TPPP: variants seen among roughly 807,000 people sequenced by gnomAD.
TPPP encodes the protein tubulin polymerization promoting protein.
A neutral mutation model predicts 15.5 loss-of-function variants in TPPP; 6 were observed. The ratio of observed to expected loss-of-function variants is 0.39; its 90% confidence interval spans 0.21 to 0.77. TPPP has a LOEUF of 0.77. Among genes scored for constraint, TPPP ranks in the 30% least tolerant of loss-of-function variants. The pLI is 0.42. For missense variants in TPPP, 269 were observed against 307.2 expected (o/e 0.88, Z 0.93); for synonymous variants, 146 against 133.9 (o/e 1.09, Z -0.63).
intron 1 of TPPP, among the ~76,000 whole-genome samples, chr5:681,310 C>T (rs59183188): frequency 0.22 from 34,150 of 152,108 alleles, 8,313 homozygotes; most frequent in African/African-American, 0.61. Context: ...AGACAAACTG[C>T]TCACCTGGGG....
rs370031409 is a variant in TPPP at position 677,901 on chromosome 5, C to T, written c.160G>A (p.Ala54Thr). Residue 54 changes from alanine to threonine, a missense_variant, in exon 2 of 4, where the codon GCC (alanine) becomes ACC (threonine). Transcript: ENST00000360578. ...CCGTGCACGGCAAAGCGCCGGAAGG[C>T]CTCCTCCAGGGCACTGAGCTCAGGG... ...ASPELSALEE[A>T]FRRFAVHGDA... is the part of the protein sequence containing the mutation. 2.4e-5 allele frequency: 39 copies of T among 1,612,730 alleles called. No homozygotes were observed. Among genetic ancestry groups the T allele is most frequent in the African/African-American group, 6.7e-5 (5 of 74,940 alleles).
chr5:670,952 C>T (rs1371244667), intron 2 of TPPP, among the ~76,000 whole-genome samples: 3 of 152,330 alleles, frequency 2.0e-5, no homozygotes, highest in African/African-American at 4.8e-5. Context: ...CTGCACCCTA[C>T]TTGGCTCAGA....
rs372006252 is a variant in TPPP at position 677,066 on chromosome 5, C to T, written c.311+684G>A. Among the ~76,000 whole-genome samples the T allele has an allele frequency of 2.2e-3, 336 of 151,606 alleles. 1 individual carries two copies. The highest frequency in any genetic ancestry group is 7.6e-3 in the African/African-American group (314 of 41,428). On this transcript the variant is annotated intron_variant, in intron 2 of 3. Transcript: ENST00000360578. Reference sequence around the variant, plus strand: ...AAACGCACACACGTGCACACAGAAACGCGCACACGTGCACACGACGCAGAA... The same window carrying T: ...AAACGCACACACGTGCACACAGAAATGCGCACACGTGCACACGACGCAGAA...
rs369396503 is a variant in TPPP, at chr5:677,742, G to C, written c.311+8C>G. ...AGGTCCCTCGGCCCGTGAGCCCAGCGCACTCACTTGATCTTGCTGAAGACG... is the reference window on the plus strand; with the variant it reads ...AGGTCCCTCGGCCCGTGAGCCCAGCCCACTCACTTGATCTTGCTGAAGACG... On this transcript the variant is annotated splice_region_variant and intron_variant, in intron 2 of 3. Coordinates refer to ENST00000360578, the MANE Select transcript of TPPP (RefSeq NM_007030.3). 1.9e-6 allele frequency: 3 copies of C among 1,546,274 alleles called. No homozygotes were observed. Among genetic ancestry groups the C allele is most frequent in the South Asian group, 2.5e-5 (2 of 81,480 alleles).
rs1308504822 is a variant in TPPP, at chr5:692,585, C to T, written c.-5+693G>A. On this transcript the variant is annotated intron_variant, in intron 1 of 3. Transcript: ENST00000360578. ...CCTCCCTCGGCTCCGTTTACGTAAC[C>T]GAAACCGCAGAATAAAGGGCTCCTC... 5.1e-6 allele frequency: 5 copies of T among 982,918 alleles called. No individual in the cohort carries two copies. The South Asian group carries it at 2.4e-4, about 47-fold the overall frequency. The allele number at this position is 982,918 out of a possible 1,614,324, so 60.9% of individuals were successfully genotyped here.
At chr5:670,870 T>TC (rs1210130182) in intron 2 of TPPP, among the ~76,000 whole-genome samples, 9 of 152,304 alleles carry the variant, frequency 5.9e-5, no homozygotes, top group African/African-American at 2.2e-4. Flanking sequence ...GCTGAGCACC[T>TC]GGGGGCAGGT....
intron 2 of TPPP, among the ~76,000 whole-genome samples, chr5:674,874 C>T (rs987548873): frequency 4.7e-4 from 71 of 150,720 alleles, no homozygotes; most frequent in African/African-American, 1.7e-3. Flanking sequence ...TGGGAGCTGC[C>T]CCTTGCCAAA....
intron 2 of TPPP, among the ~76,000 whole-genome samples, chr5:667,870 CG>C (rs1561081547): frequency 3.3e-4 from 23 of 68,716 alleles, no homozygotes; most frequent in Non-Finnish European, 4.4e-4. Flanking sequence ...AGGGAAGTAC[CG>C]ACAAGCACAC....
At position 677,863 on chromosome 5, in the gene TPPP, G is replaced by A. The variant is rs748868994; in HGVS notation, c.198C>T (p.Ala66=). The change falls in exon 2 of 4, where the codon GCC becomes GCT. Residue 66 remains alanine (A), a synonymous_variant. Transcript: ENST00000360578. ...TCTTGCCGTGCATCTCCCTCCCGGT[G>A]GCCCTGGCGTCCCCGTGCACGGCAA... ...RRFAVHGDAR[A]TGREMHGKNW... 6.2e-7 allele frequency: 1 copy of A among 1,612,744 alleles called. No homozygotes were observed. The highest frequency in any genetic ancestry group is 8.5e-7 in the Non-Finnish European group (1 of 1,179,862).
chr5:675,410 G>GCAGTGGGGCCAGGGGTA (rs1218765665), intron 2 of TPPP, among the ~76,000 whole-genome samples: 12 of 115,966 alleles, frequency 1.0e-4, no homozygotes, highest in African/African-American at 3.3e-4. Context: ...GGCCAGGGGT[G>GCAGTGGGGCCAGGGGTA]CAGTGTGGCC....
intron 1 of TPPP, among the ~76,000 whole-genome samples, chr5:678,670 C>T (rs980823757): frequency 4.0e-5 from 6 of 148,566 alleles, no homozygotes; most frequent in African/African-American, 1.6e-4. Flanking sequence ...GATGCTCTTC[C>T]CAGGAGCCCT....
At chr5:675,316 G>A (rs1403117976) in intron 2 of TPPP, among the ~76,000 whole-genome samples, 5 of 109,080 alleles carry the variant, frequency 4.6e-5, no homozygotes, top group Non-Finnish European at 9.2e-5. Flanking sequence ...GGGAGGTACA[G>A]TGTGGCCGGG....
At chr5:681,734 G>A (rs566610367) in intron 1 of TPPP, among the ~76,000 whole-genome samples, 8 of 139,496 alleles carry the variant, frequency 5.7e-5, no homozygotes, top group African/African-American at 1.0e-4. Flanking sequence ...GCTCACCCAC[G>A]GGTGTGGGCA....
At chr5:699,895 A>G in the TPPP span, among the ~76,000 whole-genome samples, 842 of 151,514 alleles carry the variant, frequency 5.6e-3, 1 homozygote, top group African/African-American at 0.02. Flanking sequence ...TCTGAATGCA[A>G]TACCATCTTA....
At chr5:697,397 C>T (rs562755291), upstream of TPPP, among the ~76,000 whole-genome samples, 18 of 151,100 alleles carry the variant, frequency 1.2e-4, 1 homozygote, top group East Asian at 2.0e-4. Context: ...TGCGGGGACA[C>T]GGCAACAGGA....
intron 2 of TPPP, among the ~76,000 whole-genome samples, chr5:668,555 A>G (rs1373037634): frequency 6.6e-6 from 1 of 152,096 alleles, no homozygotes; most frequent in Non-Finnish European, 1.5e-5. Context: ...AATCAAATAA[A>G]CTGCCGGCAC....
rs78135521 is a variant in TPPP, at chr5:669,051, C to T, written c.312-2928G>A. Among the ~76,000 whole-genome samples the T allele has an allele frequency of 1.4e-3, 216 of 152,352 alleles. 1 individual carries two copies. Among genetic ancestry groups the T allele is most frequent in the African/African-American group, 4.1e-3 (172 of 41,588 alleles). ...AACAGCGCTGAGCCAAAGAAGAAAT[C>T]GCGCTGAGAAACACACCAAGTGCTC... On this transcript the variant is annotated intron_variant, in intron 2 of 3. Transcript: ENST00000360578.
chr5:684,284 C>G (rs760872644), intron 1 of TPPP, among the ~76,000 whole-genome samples: 1 of 152,216 alleles, frequency 6.6e-6, no homozygotes, highest in African/African-American at 2.4e-5. Context: ...CCAGTAAATC[C>G]GAAGCACAGG....
chr5:671,978 T>C (rs1313520542), intron 2 of TPPP, among the ~76,000 whole-genome samples: 3 of 152,158 alleles, frequency 2.0e-5, no homozygotes, highest in African/African-American at 7.2e-5. Flanking sequence ...CACCTGCTTT[T>C]CTGGGATGGA....
Sources: gnomAD v4.1 joint callset for allele counts (sites outside exome capture counted in the v4.1 genomes callset) on GRCh38, gnomAD v4.1.1 for gene constraint, MANE v1.5 for transcripts, NCBI Gene and HGNC (gene_info 2026-07-23, HGNC 2026-07-21) for gene names.